The following CACNA1I variants were observed in gnomAD, a reference collection of about 807,000 sequenced individuals.
CACNA1I encodes calcium voltage-gated channel subunit alpha1 I, also known as voltage-dependent T-type calcium channel subunit alpha-1I.
Under a neutral mutation model 201.6 loss-of-function variants are expected in CACNA1I, and 74 were observed. The ratio of observed to expected loss-of-function variants is 0.37; its 90% CI spans 0.30 to 0.45. The LOEUF (loss-of-function observed/expected upper bound fraction) is 0.45. Among genes scored for constraint, CACNA1I ranks in the 20% least tolerant of loss-of-function variants. The probability of loss-of-function intolerance (pLI) is 1.00; values close to 1 mark genes in which losing one functional copy is unlikely to be tolerated. For synonymous variants in CACNA1I, 1,431 were observed against 1,345.2 expected (o/e 1.06, Z -1.40); for missense variants, 2,346 against 3,138.1 (o/e 0.75, Z 6.03).
In CACNA1I at chr22:39,665,005, G is replaced by T; in HGVS notation, c.3851+82G>T. The T allele has an allele frequency of 7.9e-7, 1 of 1,270,668 alleles. No homozygotes were observed. Among genetic ancestry groups the T allele is most frequent in the East Asian group, 2.4e-5 (1 of 41,632 alleles). 78.7% of individuals were successfully genotyped at this position (1,270,668 alleles called of 1,614,324 possible). On this transcript the variant is annotated intron_variant, in intron 21 of 36. Coordinates refer to ENST00000402142, the MANE Select transcript of CACNA1I (RefSeq NM_021096.4). This position sits in a 1 kb window ranked among gnomAD's most constrained non-coding sequence, Gnocchi z 5.5. Reference sequence around the variant, plus strand: ...ACGGGTCGAATTGGGCCCTCACTCCGCCCTCCCCGCCCGCCCACTCGGTCC... The same window carrying T: ...ACGGGTCGAATTGGGCCCTCACTCCTCCCTCCCCGCCCGCCCACTCGGTCC...
At chr22:39,634,815 G>A in intron 5 of CACNA1I, 91 bp downstream of exon 5, 1 of 1,314,550 alleles carries the variant, frequency 7.6e-7, no homozygotes, top group Non-Finnish European at 1.1e-6. Context: ...CAGGACCAAT[G>A]GGGTAGAAGC....
At chr22:39,651,228 C>T (rs572087974) in intron 10 of CACNA1I, among the ~76,000 whole-genome samples, 40 of 152,286 alleles carry the variant, frequency 2.6e-4, no homozygotes, top group African/African-American at 8.2e-4. Flanking sequence ...ACTGACGCCC[C>T]GGGAGGGCTT....
At chr22:39,615,268 G>T (rs3788568) in intron 3 of CACNA1I, among the ~76,000 whole-genome samples, 60,432 of 152,052 alleles carry the variant, frequency 0.4, 12,757 homozygotes, top group East Asian at 0.85. Flanking sequence ...GGAGATGGAC[G>T]GAGGCCACAT....
At chr22:39,613,039 C>T (rs1472300243) in intron 3 of CACNA1I, among the ~76,000 whole-genome samples, 1 of 152,244 alleles carries the variant, frequency 6.6e-6, no homozygotes, top group South Asian at 2.1e-4. Context: ...TTTAAGAAAG[C>T]CCCCGTGGGC....
At chr22:39,662,957 C>T in intron 18 of CACNA1I, 81 bp downstream of exon 18, 1 of 980,204 alleles carries the variant, frequency 1.0e-6, no homozygotes, top group South Asian at 1.4e-5. Flanking sequence ...CAGGCAAGGC[C>T]ATTGGTGGCG....
intron 7 of CACNA1I, 113 bp from the exon 8 acceptor site, chr22:39,646,456 C>T (rs1465007121): frequency 1.5e-5 from 22 of 1,432,010 alleles, no homozygotes; most frequent in Non-Finnish European, 1.9e-5. Flanking sequence ...TCTCCCTCTG[C>T]CTCCCTCTCC....
intron 7 of CACNA1I, among the ~76,000 whole-genome samples, chr22:39,643,733 G>A (rs559123277): frequency 1.4e-4 from 22 of 152,328 alleles, no homozygotes; most frequent in Admixed American, 4.6e-4. Context: ...AAGCTCCAGT[G>A]CTTTCTTGGG....
chr22:39,608,135 A>C (rs1259433382), intron 3 of CACNA1I, among the ~76,000 whole-genome samples: 1 of 151,792 alleles, frequency 6.6e-6, no homozygotes, highest in Non-Finnish European at 1.5e-5. Context: ...AAAAAAAAAA[A>C]AAATACAAAT....
At position 39,662,788 on chromosome 22, in the gene CACNA1I, C is replaced by T; in HGVS notation, c.3385C>T (p.Arg1129Cys). The change falls in exon 18 of 37, where the codon CGC becomes TGC. Residue 1129 changes from arginine (R) to cysteine (C), a missense_variant. Transcript: ENST00000402142. ...CTCCTCTTGCTAGACCCTGTGCTTC[C>T]GCGTCCGCAAGATGATCGACGTCTA... is the stretch of plus-strand genomic sequence containing the variant. ...EEEIDYTLCF[R>C]VRKMIDVYKP... The T allele has an allele frequency of 6.3e-7, 1 of 1,588,470 alleles. No individual in the cohort carries two copies. The highest frequency in any genetic ancestry group is 1.7e-5 in the Admixed American group (1 of 57,734).
chr22:39,662,528 C>T, intron 17 of CACNA1I, 93 bp downstream of exon 17: 1 of 1,010,900 alleles, frequency 9.9e-7, no homozygotes, highest in South Asian at 1.8e-5. Context: ...CGGGCGGGCC[C>T]ACGGGGGGCG....
At position 39,666,955 on chromosome 22, in the gene CACNA1I, T is replaced by A. The variant is rs1465186382; in HGVS notation, c.4104+949T>A. Among the ~76,000 whole-genome samples, 1 of 152,236 alleles carries A rather than the reference T, an allele frequency of 6.6e-6. No individual in the cohort carries two copies. Among genetic ancestry groups the A allele is most frequent in the African/African-American group, 2.4e-5 (1 of 41,474 alleles). ...GCCCGTGCTCCTGACCCCCTTCACCTATGGGCCCCGCCCCAGTGCCAGCTC... is the reference window on the plus strand; with the variant it reads ...GCCCGTGCTCCTGACCCCCTTCACCAATGGGCCCCGCCCCAGTGCCAGCTC... On this transcript the variant is annotated intron_variant, in intron 23 of 36. Coordinates refer to ENST00000402142, the MANE Select transcript of CACNA1I (RefSeq NM_021096.4). The surrounding 1 kb of genome is among the most constrained non-coding windows in gnomAD (Gnocchi z 4.1).
intron 1 of CACNA1I, among the ~76,000 whole-genome samples, chr22:39,586,750 C>T (rs376344120): frequency 1.4e-4 from 22 of 152,224 alleles, no homozygotes; most frequent in Admixed American, 9.2e-4. Context: ...GGGAGACACG[C>T]GGCAGAGGAC....
At position 39,685,861 on chromosome 22, in the gene CACNA1I, G is replaced by T. The variant is rs1052687254; in HGVS notation, c.6128G>T (p.Arg2043Leu). 3 of 1,474,720 alleles carry T rather than the reference G, an allele frequency of 2.0e-6. No homozygotes were observed. Among genetic ancestry groups the T allele is most frequent in the South Asian group, 2.6e-5 (2 of 77,560 alleles). The allele number at this position is 1,474,720 out of a possible 1,614,324, so 91.4% of individuals were successfully genotyped here. Residue 2043 changes from arginine to leucine, a missense_variant, in exon 37 of 37, where the codon CGG becomes CTG. Transcript: ENST00000402142. This position sits in a 1 kb window ranked among gnomAD's most constrained non-coding sequence, Gnocchi z 5.0. ...EDSLTLSDSP[R>L]RALGPPAPAP... ...AGCCTGACCCTGAGCGACAGCCCCC[G>T]GCGTGCCCTGGGGCCGCCCGCGCCT...
At chr22:39,602,233 G>A (rs1027346888) in intron 3 of CACNA1I, among the ~76,000 whole-genome samples, 52 of 150,094 alleles carry the variant, frequency 3.5e-4, no homozygotes, top group African/African-American at 1.2e-3. Flanking sequence ...TACCAACCCT[G>A]GCTAATTTTT....
intron 3 of CACNA1I, among the ~76,000 whole-genome samples, chr22:39,615,772 C>A (rs965894571): frequency 6.6e-6 from 1 of 152,134 alleles, no homozygotes; most frequent in Admixed American, 6.5e-5. Flanking sequence ...GCAGGAGATG[C>A]GGCCACCGCA....
intron 3 of CACNA1I, among the ~76,000 whole-genome samples, chr22:39,605,168 C>T (rs545608950): frequency 3.3e-5 from 5 of 151,574 alleles, no homozygotes; most frequent in Admixed American, 2.0e-4. Flanking sequence ...TATTTGCTCC[C>T]TTCCTCTACC....
Position 39,684,421 on chromosome 22 carries a change from A to G in CACNA1I, c.5950A>G (p.Thr1984Ala). Residue 1984 changes from threonine (T) to alanine (A), a missense_variant, in exon 36 of 37, where the codon ACC becomes GCC. This residue lies in a region of CACNA1I where 441 missense variants were observed against 555.6 expected (regional missense o/e 0.79). Coordinates refer to ENST00000402142, the MANE Select transcript of CACNA1I (RefSeq NM_021096.4). The surrounding 1 kb of genome is among the most constrained non-coding windows in gnomAD (Gnocchi z 4.6). Reference sequence around the variant, plus strand: ...CCCAGAAAAGGGCACTGGCACTGGAACCCTCCCCAAGATTGCGCTGCAGGG... The same window carrying G: ...CCCAGAAAAGGGCACTGGCACTGGAGCCCTCCCCAAGATTGCGCTGCAGGG... ...KGPEKGTGTG[T>A]LPKIALQGSW... The G allele has an allele frequency of 6.2e-7, 1 of 1,613,314 alleles. No individual in the cohort carries two copies. Among genetic ancestry groups the G allele is most frequent in the South Asian group, 1.1e-5 (1 of 91,028 alleles).
In CACNA1I at chr22:39,686,144, C is replaced by T. The variant is rs1306487693; in HGVS notation, c.6411C>T (p.Cys2137=). The T allele has an allele frequency of 2.4e-6, 3 of 1,269,322 alleles. No homozygotes were observed. The highest frequency in any genetic ancestry group is 3.0e-6 in the Non-Finnish European group (3 of 1,008,692). 78.6% of individuals were successfully genotyped at this position (1,269,322 alleles called of 1,614,324 possible). ...LSSLSLTSLF[C]PPPPPPAPGL... is the part of the protein sequence containing the mutation. ...GCCTCTCGCTCACCTCCCTCTTCTG[C>T]CCGCCGCCCCCGCCGCCAGCCCCCG... Residue 2137 remains cysteine (C), a synonymous_variant, in exon 37 of 37, where the codon TGC becomes TGT. Transcript: ENST00000402142.
intron 4 of CACNA1I, among the ~76,000 whole-genome samples, chr22:39,631,496 A>G (rs370611524): frequency 9.2e-5 from 14 of 152,218 alleles, no homozygotes; most frequent in African/African-American, 3.1e-4. Flanking sequence ...CCTTGGGGCA[A>G]TGAGAGGCAG....
Sources: gnomAD v4.1 joint callset for allele counts (sites outside exome capture counted in the v4.1 genomes callset) on GRCh38, gnomAD v4.1.1 for gene constraint, gnomAD v4.1.1 regional missense constraint, Gnocchi (gnomAD v3.1) non-coding constraint, MANE v1.5 for transcripts, NCBI Gene and HGNC (gene_info 2026-07-23, HGNC 2026-07-21) for gene names.